TRIQK: variants seen among roughly 807,000 people sequenced by gnomAD.
TRIQK encodes triple QxxK/R motif-containing protein.
A neutral mutation model predicts 10.8 loss-of-function variants in TRIQK; 10 were observed. That is an observed-to-expected ratio of 0.92 (90% CI 0.57 to 1.57). The LOEUF (loss-of-function observed/expected upper bound fraction) is 1.57, where lower values mean the gene tolerates loss of function less well. TRIQK is among the 40% of genes most tolerant of loss of function. TRIQK has a pLI of 0.00. For synonymous variants in TRIQK, 33 were observed against 33.7 expected (o/e 0.98, Z 0.07); for missense variants, 107 against 97.7 (o/e 1.09, Z -0.40).
intron 3 of TRIQK, among the ~76,000 whole-genome samples, chr8:92,908,393 T>C (rs548476638): frequency 6.6e-6 from 1 of 152,270 alleles, no homozygotes; most frequent in East Asian, 1.9e-4. Context: ...TATGAGTACA[T>C]TATGCTATCA....
intron 3 of TRIQK, among the ~76,000 whole-genome samples, chr8:92,912,699 C>T (rs1049189735): frequency 1.3e-5 from 2 of 151,774 alleles, no homozygotes; most frequent in Non-Finnish European, 2.9e-5. Context: ...CATTTATAAA[C>T]AATTATACAC....
intron 1 of TRIQK, among the ~76,000 whole-genome samples, chr8:92,991,043 G>T (rs955949581): frequency 2.5e-4 from 38 of 152,172 alleles, no homozygotes; most frequent in African/African-American, 8.2e-4. Flanking sequence ...TGAAGTTGAC[G>T]AGGAACACTC....
intron 1 of TRIQK, among the ~76,000 whole-genome samples, chr8:92,992,056 C>T (rs1813101377): frequency 6.6e-6 from 1 of 152,144 alleles, no homozygotes; most frequent in East Asian, 1.9e-4. Flanking sequence ...CTGAGCAAGA[C>T]ACTGTCTCAA....
intron 1 of TRIQK, chr8:93,017,578 GC>G (rs1046913022): frequency 6.6e-6 from 1 of 152,158 alleles, no homozygotes; most frequent in Non-Finnish European, 1.5e-5. Flanking sequence ...GACGCTGCAT[GC>G]CCCGATCCAA....
At chr8:92,989,996 A>G (rs1813081350) in intron 1 of TRIQK, among the ~76,000 whole-genome samples, 1 of 152,216 alleles carries the variant, frequency 6.6e-6, no homozygotes, top group Non-Finnish European at 1.5e-5. Flanking sequence ...AGAGTTACTA[A>G]TAAGTGATTT....
chr8:92,892,062 T>A lies in TRIQK; in HGVS notation c.74A>T (p.Tyr25Phe). The change falls in exon 4 of 5, where the codon TAT becomes TTT. Residue 25 changes from tyrosine (Y) to phenylalanine (F), a missense_variant. By Grantham distance (22) the Tyr-to-Phe change is conservative (BLOSUM62 3). Coordinates refer to ENST00000521988, the MANE Select transcript of TRIQK (RefSeq NM_001171797.2). ...QYRKQIGKQD[Y>F]KKTKPILRAT... is the part of the protein sequence containing the mutation. ...TCGTAAAATAGGTTTAGTTTTTTTATAATCCTGTTTACCTAGAAAGAAATA... is the reference window on the plus strand; with the variant it reads ...TCGTAAAATAGGTTTAGTTTTTTTAAAATCCTGTTTACCTAGAAAGAAATA... 1.3e-6 allele frequency: 2 copies of A among 1,526,082 alleles called. No homozygotes were observed. The highest frequency in any genetic ancestry group is 1.8e-6 in the Non-Finnish European group (2 of 1,138,136). The allele number at this position is 1,526,082 out of a possible 1,614,324, so 94.5% of individuals were successfully genotyped here. A position where few individuals can be genotyped will look rare whatever the true frequency, so the allele number is the denominator to read the frequency against.
At chr8:92,932,749 T>C (rs1247729361) in intron 2 of TRIQK, among the ~76,000 whole-genome samples, 2 of 152,194 alleles carry the variant, frequency 1.3e-5, no homozygotes, top group Non-Finnish European at 2.9e-5. Context: ...TATTTATTCA[T>C]ATATGCGTTT....
chr8:92,943,638 T>C (rs1177415336), intron 2 of TRIQK, among the ~76,000 whole-genome samples: 1 of 152,218 alleles, frequency 6.6e-6, no homozygotes, highest in Non-Finnish European at 1.5e-5. Flanking sequence ...AGAATGAAGC[T>C]AGATTCCTGT....
chr8:92,916,357 GTA>G (rs1809841791), intron 3 of TRIQK, among the ~76,000 whole-genome samples: 1 of 152,094 alleles, frequency 6.6e-6, no homozygotes, highest in African/African-American at 2.4e-5. Context: ...TTCTACTAGG[GTA>G]GTATCTCCTT....
chr8:93,014,271 CT>C (rs1423661700), intron 1 of TRIQK, among the ~76,000 whole-genome samples: 1 of 152,028 alleles, frequency 6.6e-6, no homozygotes, highest in East Asian at 1.9e-4. Flanking sequence ...TGACCCACTA[CT>C]TTCTCTTTAA....
At chr8:93,006,118 A>T (rs1052315961) in intron 1 of TRIQK, among the ~76,000 whole-genome samples, 1 of 152,046 alleles carries the variant, frequency 6.6e-6, no homozygotes, top group African/African-American at 2.4e-5. Flanking sequence ...GGCGAAAGGG[A>T]TCTACACTGA....
chr8:92,947,244 G>A (rs1811584251), intron 2 of TRIQK, among the ~76,000 whole-genome samples: 1 of 146,644 alleles, frequency 6.8e-6, no homozygotes, highest in Non-Finnish European at 1.5e-5. Flanking sequence ...TCTCAACAGT[G>A]TTTATATATA....
intron 1 of TRIQK, among the ~76,000 whole-genome samples, chr8:93,015,844 T>C (rs1306231163): frequency 6.6e-6 from 1 of 152,078 alleles, no homozygotes; most frequent in African/African-American, 2.4e-5. Flanking sequence ...CCTGTACTTT[T>C]CACAAAGCAG....
intron 1 of TRIQK, among the ~76,000 whole-genome samples, chr8:92,993,883 C>T (rs1350370908): frequency 1.3e-5 from 2 of 152,074 alleles, no homozygotes; most frequent in Admixed American, 6.5e-5. Context: ...TTGTTATTTT[C>T]CTTATTCGAG....
At chr8:92,958,014 A>T (rs1812261895) in intron 1 of TRIQK, among the ~76,000 whole-genome samples, 1 of 151,934 alleles carries the variant, frequency 6.6e-6, no homozygotes, top group African/African-American at 2.4e-5. Context: ...CCATTTCAAA[A>T]TACCAATTTG....
chr8:92,991,611 T>C (rs1184479464), intron 1 of TRIQK, among the ~76,000 whole-genome samples: 1 of 152,094 alleles, frequency 6.6e-6, no homozygotes, highest in African/African-American at 2.4e-5. Context: ...GTATGCCCTC[T>C]CTCACCACTC....
intron 1 of TRIQK, among the ~76,000 whole-genome samples, chr8:92,997,610 G>C (rs1048079322): frequency 3.9e-5 from 6 of 152,032 alleles, no homozygotes; most frequent in African/African-American, 9.7e-5. Context: ...ATATTTTCTT[G>C]ATGTTGTAAG....
chr8:92,924,695 T>C (rs1309660499), intron 2 of TRIQK, among the ~76,000 whole-genome samples: 2 of 151,882 alleles, frequency 1.3e-5, no homozygotes, highest in East Asian at 3.8e-4. Flanking sequence ...GTATACACAA[T>C]TATAATATTA....
At chr8:93,004,440 G>T (rs1813247746) in intron 1 of TRIQK, among the ~76,000 whole-genome samples, 1 of 152,220 alleles carries the variant, frequency 6.6e-6, no homozygotes, top group Non-Finnish European at 1.5e-5. Context: ...AGGCCTCCAG[G>T]CCTGAGATGG....
Sources: allele counts gnomAD v4.1 joint callset (sites outside exome capture counted in the v4.1 genomes callset), GRCh38; gene constraint gnomAD v4.1.1; transcripts MANE v1.5; gene names NCBI Gene and HGNC (gene_info 2026-07-23, HGNC 2026-07-21).